TPD52L1: variants seen among roughly 807,000 people sequenced by gnomAD.
The protein encoded by TPD52L1 is TPD52 like 1.
TPD52L1 carries 18 observed loss-of-function variants against 28.7 expected under a neutral mutation model. That is an observed-to-expected ratio of 0.63 (90% confidence interval 0.43 to 0.93). TPD52L1 has a LOEUF of 0.93. Ranked by LOEUF, TPD52L1 falls within the 40% of genes least tolerant of loss-of-function variation. TPD52L1 has a pLI of 0.00. For missense variants in TPD52L1, 203 were observed against 254.8 expected (o/e 0.80, Z 1.39); for synonymous variants, 75 against 88.8 (o/e 0.84, Z 0.88).
At chr6:125,202,782 T>TTTTTTTTTTTG (rs1793876811) in intron 1 of TPD52L1, among the ~76,000 whole-genome samples, 1 of 149,780 alleles carries the variant, frequency 6.7e-6, no homozygotes, top group African/African-American at 2.5e-5. Context: ...TTTTTTTTTT[T>TTTTTTTTTTTG]GAGACGGAGC....
At chr6:125,257,013 T>A in intron 5 of TPD52L1, 85 bp from the exon 6 acceptor site, 2 of 1,223,098 alleles carry the variant, frequency 1.6e-6, no homozygotes, top group South Asian at 3.0e-5. Flanking sequence ...AGGCCGTGTT[T>A]ACAGATATGA....
chr6:125,158,485 G>T (rs973260875), intron 1 of TPD52L1, among the ~76,000 whole-genome samples: 1 of 151,882 alleles, frequency 6.6e-6, no homozygotes, highest in African/African-American at 2.4e-5. Context: ...ATTTTATCTT[G>T]TTTCAGGAAG....
At chr6:125,237,828 T>C (rs190403087) in intron 3 of TPD52L1, among the ~76,000 whole-genome samples, 11,889 of 152,184 alleles carry the variant, frequency 0.078, 481 homozygotes, top group Middle Eastern at 0.1. Context: ...TTTTGTTTTG[T>C]TTTGCTTTTT....
intron 1 of TPD52L1, among the ~76,000 whole-genome samples, chr6:125,212,331 T>G (rs550209775): frequency 7.9e-5 from 12 of 152,224 alleles, no homozygotes; most frequent in Middle Eastern, 6.3e-3. Flanking sequence ...AATTTTCTAA[T>G]ACAGTGCAAG....
At chr6:125,255,238 A>T (rs1027034251) in intron 5 of TPD52L1, among the ~76,000 whole-genome samples, 3 of 151,784 alleles carry the variant, frequency 2.0e-5, no homozygotes, top group African/African-American at 7.3e-5. Context: ...AAACTAACTT[A>T]AAAAAAAATT....
At chr6:125,168,278 G>A (rs532090102) in intron 1 of TPD52L1, among the ~76,000 whole-genome samples, 36 of 152,240 alleles carry the variant, frequency 2.4e-4, no homozygotes, top group African/African-American at 8.7e-4. Context: ...AGAACTTGGT[G>A]CCAGTGTTCT....
intron 1 of TPD52L1, among the ~76,000 whole-genome samples, chr6:125,211,197 G>T (rs960654750): frequency 6.6e-6 from 1 of 152,036 alleles, no homozygotes; most frequent in Non-Finnish European, 1.5e-5. Context: ...GATAAAAGGA[G>T]AAAGTTGTTT....
intron 6 of TPD52L1, among the ~76,000 whole-genome samples, chr6:125,260,575 C>T (rs1257351048): frequency 6.6e-6 from 1 of 152,224 alleles, no homozygotes; most frequent in African/African-American, 2.4e-5. Context: ...GAGGCCGAGG[C>T]GGGCAGATCA....
At chr6:125,248,615 C>T in intron 4 of TPD52L1, 6 of 483,400 alleles carry the variant, frequency 1.2e-5, no homozygotes, top group South Asian at 1.2e-4. Flanking sequence ...CTACTAGGAC[C>T]CGACCTGGTA....
intron 1 of TPD52L1, among the ~76,000 whole-genome samples, chr6:125,159,177 T>C (rs891934673): frequency 3.9e-5 from 6 of 152,248 alleles, no homozygotes; most frequent in Non-Finnish European, 8.8e-5. Flanking sequence ...TAATGCTGTT[T>C]GGTAGCATTT....
At position 125,156,494 on chromosome 6, in the gene TPD52L1, A is replaced by G. The variant is rs568369598; in HGVS notation, c.19+2524A>G. ...AAAAAAAAAAAAGAGAGAGATACAA[A>G]AAAGGCCAGCCACACCTGTAATTCC... On this transcript the variant is annotated intron_variant, in intron 1 of 6. Transcript: ENST00000534000. Among the ~76,000 whole-genome samples the G allele has an allele frequency of 3.1e-4, 47 of 151,268 alleles. No homozygotes were observed. In the East Asian group the frequency reaches 8.6e-3, roughly 28 times the overall value.
chr6:125,195,639 C>A (rs1434505135), intron 1 of TPD52L1, among the ~76,000 whole-genome samples: 1 of 152,194 alleles, frequency 6.6e-6, no homozygotes. Context: ...CAACAGGCAT[C>A]TTTTTGATCC....
At chr6:125,250,411 G>C (rs9321029) in intron 4 of TPD52L1, among the ~76,000 whole-genome samples, 22,986 of 152,160 alleles carry the variant, frequency 0.15, 2,126 homozygotes, top group East Asian at 0.31. Flanking sequence ...TAGCTCACCT[G>C]TATCTGGGGT....
intron 1 of TPD52L1, among the ~76,000 whole-genome samples, chr6:125,189,853 G>A (rs1450536045): frequency 6.6e-6 from 1 of 152,114 alleles, no homozygotes; most frequent in Non-Finnish European, 1.5e-5. Context: ...TGTTTAGTAT[G>A]CACTACACAG....
At chr6:125,176,077 C>CTTCAGGGTGATT (rs1421078985) in intron 1 of TPD52L1, among the ~76,000 whole-genome samples, 6 of 138,988 alleles carry the variant, frequency 4.3e-5, no homozygotes, top group Non-Finnish European at 7.7e-5. Flanking sequence ...TTAAAATTGC[C>CTTCAGGGTGATT]TTCAGGGTGA....
intron 1 of TPD52L1, among the ~76,000 whole-genome samples, chr6:125,217,565 G>C (rs1432489782): frequency 6.6e-6 from 1 of 152,088 alleles, no homozygotes; most frequent in Non-Finnish European, 1.5e-5. Flanking sequence ...AAGCAGTGGG[G>C]AGTGGCCATA....
chr6:125,194,612 T>C (rs1462642774), intron 1 of TPD52L1, among the ~76,000 whole-genome samples: 3 of 152,162 alleles, frequency 2.0e-5, no homozygotes, highest in African/African-American at 7.2e-5. Flanking sequence ...TTGCCAATGA[T>C]CTTCCATATA....
At chr6:125,206,146 A>G (rs1016170783) in intron 1 of TPD52L1, among the ~76,000 whole-genome samples, 4 of 152,192 alleles carry the variant, frequency 2.6e-5, no homozygotes, top group Non-Finnish European at 5.9e-5. Flanking sequence ...TTATTAATGA[A>G]ACCAAAGCTT....
chr6:125,162,682 C>T lies in TPD52L1; in HGVS notation c.19+8712C>T, dbSNP rs79916701. On this transcript the variant is annotated intron_variant, in intron 1 of 6. Transcript: ENST00000534000. ...GACCATGAACAAGTTATTCATTTCA[C>T]TCAATCTTGGTTTCTACATATGCAA... Among the ~76,000 whole-genome samples the T allele has an allele frequency of 5.3e-5, 8 of 152,262 alleles. No individual in the cohort carries two copies. In the East Asian group the frequency reaches 1.5e-3, roughly 29 times the overall value.
Sources: allele counts gnomAD v4.1 joint callset (sites outside exome capture counted in the v4.1 genomes callset), GRCh38; gene constraint gnomAD v4.1.1; transcripts MANE v1.5; gene names NCBI Gene and HGNC (gene_info 2026-07-23, HGNC 2026-07-21).